TATDN2: variants seen among roughly 807,000 people sequenced by gnomAD.
The protein encoded by TATDN2 is 3'-5' RNA nuclease TATDN2.
Under a neutral mutation model 60.3 loss-of-function variants are expected in TATDN2, and 44 were observed. The observed-to-expected ratio is 0.73, with a 90% CI of 0.57 to 0.94. The LOEUF is 0.94. Among genes scored for constraint, TATDN2 ranks in the 40% least tolerant of loss-of-function variants. TATDN2 has a pLI of 0.00. For missense variants in TATDN2, 997 were observed against 948.0 expected, an observed-to-expected ratio of 1.05 and a Z score of -0.68; for synonymous variants, 399 against 355.8, an observed-to-expected ratio of 1.12 and a Z score of -1.37.
intron 3 of TATDN2, 68 bp from the exon 4 acceptor site, chr3:10,270,063 A>G: frequency 6.5e-7 from 1 of 1,543,418 alleles, no homozygotes; most frequent in Non-Finnish European, 8.7e-7. Flanking sequence ...TGTTCAGCTG[A>G]TGACAGCCTG....
chr3:10,252,969 T>C (rs1698254008), intron 2 of TATDN2, among the ~76,000 whole-genome samples: 1 of 151,476 alleles, frequency 6.6e-6, no homozygotes, highest in Non-Finnish European at 1.5e-5. Context: ...CCATTCTCCT[T>C]CCTCAGCCTC....
intron 3 of TATDN2, among the ~76,000 whole-genome samples, chr3:10,265,524 C>A (rs193279366): frequency 3.3e-5 from 5 of 150,876 alleles, no homozygotes; most frequent in African/African-American, 9.7e-5. Context: ...TACTAAAAAT[C>A]CAAAAAAATT....
chr3:10,271,146 C>T (rs1698558155), intron 4 of TATDN2, 131 bp downstream of exon 4: 1 of 1,129,620 alleles, frequency 8.9e-7, no homozygotes, highest in South Asian at 1.9e-5. Context: ...TGCTTGCTCT[C>T]ATCCAGACCA....
intron 4 of TATDN2, among the ~76,000 whole-genome samples, chr3:10,273,445 T>G (rs538954340): frequency 6.6e-6 from 1 of 152,202 alleles, no homozygotes; most frequent in Admixed American, 6.5e-5. Context: ...ATGTTTTATC[T>G]TGTGAAGGGA....
chr3:10,263,777 TTGTC>T (rs1251480610), intron 3 of TATDN2, among the ~76,000 whole-genome samples: 3 of 152,214 alleles, frequency 2.0e-5, no homozygotes, highest in African/African-American at 7.2e-5. Flanking sequence ...TAATCTTTGG[TTGTC>T]TGTTTATGAT....
chr3:10,249,951 A>G (rs1358785323), intron 2 of TATDN2, among the ~76,000 whole-genome samples: 1 of 152,200 alleles, frequency 6.6e-6, no homozygotes, highest in Non-Finnish European at 1.5e-5. Flanking sequence ...TCCCCAGGTT[A>G]TTGTAAACGT....
rs1698176464 is a variant in TATDN2, at chr3:10,248,963, GACGGCAGC to G, written c.-110_-103del. On this transcript the variant is annotated 5_prime_UTR_variant, in exon 1 of 8. Transcript: ENST00000448281. ...GAAGCACGTTGTGGGCTTGGAAACC[GACGGCAGC>G]CTTTAGTCAATTTTGGATCGCTTTG... 4.6e-6 allele frequency: 2 copies of G among 430,680 alleles called. No individual in the cohort carries two copies. The highest frequency in any genetic ancestry group is 7.9e-6 in the Non-Finnish European group (2 of 253,208). 26.7% of individuals were successfully genotyped at this position (430,680 alleles called of 1,614,324 possible). A position where few individuals can be genotyped will look rare whatever the true frequency, so the allele number is the denominator to read the frequency against.
chr3:10,278,956 C>CA lies in TATDN2; in HGVS notation c.2220dup (p.Asp741ArgfsTer13). On this transcript the variant is annotated frameshift_variant, in exon 7 of 8. Coordinates refer to ENST00000448281, the MANE Select transcript of TATDN2 (RefSeq NM_014760.4). LOFTEE classifies it high-confidence loss of function. The surrounding 1 kb of genome is among the most constrained non-coding windows in gnomAD (Gnocchi z 4.7). Reference sequence around the variant, plus strand: ...ATACGGTCCGAGAGATTGCCAGAGTCAAAGATCAGCCACTCTCCCTCACCT... The same window carrying CA: ...ATACGGTCCGAGAGATTGCCAGAGTCAAAAGATCAGCCACTCTCCCTCACCT... 2 of 1,614,046 alleles carry CA rather than the reference C, an allele frequency of 1.2e-6. No homozygotes were observed. Among genetic ancestry groups the CA allele is most frequent in the African/African-American group, 1.3e-5 (1 of 75,048 alleles).
chr3:10,251,873 G>T (rs1455451024), intron 2 of TATDN2, among the ~76,000 whole-genome samples: 2 of 151,016 alleles, frequency 1.3e-5, no homozygotes, highest in African/African-American at 2.4e-5. Flanking sequence ...TTTGGGCTGG[G>T]CGTGGTGGCT....
At chr3:10,273,664 C>T (rs1318090270) in intron 4 of TATDN2, among the ~76,000 whole-genome samples, 1 of 151,308 alleles carries the variant, frequency 6.6e-6, no homozygotes, top group Non-Finnish European at 1.5e-5. Flanking sequence ...AGACCCTGCT[C>T]ATTATAGGAG....
chr3:10,279,234 C>T lies in TATDN2; in HGVS notation c.*52C>T. 1.6e-6 allele frequency: 1 copy of T among 612,994 alleles called. No homozygotes were observed. Among genetic ancestry groups the T allele is most frequent in the Non-Finnish European group, 2.7e-6 (1 of 365,358 alleles). The allele number at this position is 612,994 out of a possible 1,614,324, so 38.0% of individuals were successfully genotyped here. A position where few individuals can be genotyped will look rare whatever the true frequency, so the allele number is the denominator to read the frequency against. On this transcript the variant is annotated 3_prime_UTR_variant, in exon 8 of 8. Coordinates refer to ENST00000448281, the MANE Select transcript of TATDN2 (RefSeq NM_014760.4). Reference sequence around the variant, plus strand: ...TCCACCCTCCAGGGCGACCAGCAGCCTGACAGAACACAGGCTGGCTTGAAG... The same window carrying T: ...TCCACCCTCCAGGGCGACCAGCAGCTTGACAGAACACAGGCTGGCTTGAAG...
chr3:10,252,368 A>G (rs1194697484), intron 2 of TATDN2, among the ~76,000 whole-genome samples: 1 of 152,146 alleles, frequency 6.6e-6, no homozygotes, highest in African/African-American at 2.4e-5. Context: ...CATTGTAGAA[A>G]GATCACTCTT....
chr3:10,270,271 C>G lies in TATDN2; in HGVS notation c.1089C>G (p.Phe363Leu), dbSNP rs1489944606. Residue 363 changes from phenylalanine to leucine, a missense_variant, in exon 4 of 8, where the codon TTC (phenylalanine) becomes TTG (leucine). Transcript: ENST00000448281. ...CAGCCGTTCCGGAGCCTTCTTCCTT[C>G]ACCACCGACTATGTCATGTACCCTC... is the stretch of plus-strand genomic sequence containing the variant. ...KPSAVPEPSS[F>L]TTDYVMYPPH... 4.3e-6 allele frequency: 7 copies of G among 1,614,176 alleles called. No homozygotes were observed. Among genetic ancestry groups the G allele is most frequent in the Admixed American group, 3.3e-5 (2 of 60,016 alleles).
intron 2 of TATDN2, among the ~76,000 whole-genome samples, chr3:10,253,544 CTGTG>C (rs997321133): frequency 1.3e-5 from 2 of 152,180 alleles, no homozygotes; most frequent in Non-Finnish European, 2.9e-5. Flanking sequence ...AGGAGACTAA[CTGTG>C]TGACGAGCAC....
Position 10,278,258 on chromosome 3 carries a change from G to A in TATDN2, c.1962-21G>A, listed in dbSNP as rs374207519. 22 of 1,609,758 alleles carry A rather than the reference G, an allele frequency of 1.4e-5. No homozygotes were observed. The highest frequency in any genetic ancestry group is 1.8e-5 in the Non-Finnish European group (21 of 1,177,344). On this transcript the variant is annotated intron_variant, in intron 5 of 7. Coordinates refer to ENST00000448281, the MANE Select transcript of TATDN2 (RefSeq NM_014760.4). The surrounding 1 kb of genome is among the most constrained non-coding windows in gnomAD (Gnocchi z 4.7). Reference sequence around the variant, plus strand: ...TGCAGAGGGGACTGTGAGCAGCCCTGATGTGGAGTTCTGTCTCCAGGCATT... The same window carrying A: ...TGCAGAGGGGACTGTGAGCAGCCCTAATGTGGAGTTCTGTCTCCAGGCATT...
Position 10,249,188 on chromosome 3 carries a change from C to T in TATDN2, c.-6-7C>T, listed in dbSNP as rs767963321. 6.6e-6 allele frequency: 10 copies of T among 1,509,512 alleles called. No individual in the cohort carries two copies. The highest frequency in any genetic ancestry group is 4.5e-5 in the Admixed American group (2 of 44,236). 93.5% of individuals were successfully genotyped at this position (1,509,512 alleles called of 1,614,324 possible). A position where few individuals can be genotyped will look rare whatever the true frequency, so the allele number is the denominator to read the frequency against. ...GTGTTGGAATCCAGGCCCCCTGTAC[C>T]TTGCAGGTGCCCATGGCGTCCGAGC... On this transcript the variant is annotated splice_polypyrimidine_tract_variant and splice_region_variant and intron_variant, in intron 1 of 7. Transcript: ENST00000448281.
chr3:10,272,305 G>T (rs1234000737), intron 4 of TATDN2, among the ~76,000 whole-genome samples: 1 of 150,734 alleles, frequency 6.6e-6, no homozygotes, highest in Admixed American at 6.6e-5. Flanking sequence ...ATGGAGTCTT[G>T]CTGTGTCACC....
chr3:10,254,477 C>G (rs954430860), intron 2 of TATDN2, among the ~76,000 whole-genome samples: 1 of 152,118 alleles, frequency 6.6e-6, no homozygotes, highest in East Asian at 1.9e-4. Flanking sequence ...TGGACACTTG[C>G]GTGTTTGGAG....
chr3:10,259,775 G>C (rs1428048151), intron 2 of TATDN2, among the ~76,000 whole-genome samples: 1 of 152,162 alleles, frequency 6.6e-6, no homozygotes, highest in Non-Finnish European at 1.5e-5. Context: ...TATGGGATTG[G>C]GCTAGCTGGT....
Sources: allele counts gnomAD v4.1 joint callset (sites outside exome capture counted in the v4.1 genomes callset), GRCh38; gene constraint gnomAD v4.1.1; non-coding constraint Gnocchi (gnomAD v3.1); transcripts MANE v1.5; gene names NCBI Gene and HGNC (gene_info 2026-07-23, HGNC 2026-07-21).